Variants in PPP1R16B observed in about 807,000 individuals in gnomAD.
PPP1R16B encodes protein phosphatase 1 regulatory subunit 16B, also known as protein phosphatase 1 regulatory inhibitor subunit 16B.
In PPP1R16B, 14 loss-of-function variants were observed where a neutral mutation model predicts 61.7. The ratio of observed to expected loss-of-function variants is 0.23; its 90% CI spans 0.15 to 0.35. The LOEUF (loss-of-function observed/expected upper bound fraction) is 0.35. Among genes scored for constraint, PPP1R16B ranks in the 10% least tolerant of loss-of-function variants. The pLI is 1.00. For missense variants in PPP1R16B, 547 were observed against 752.5 expected, an observed-to-expected ratio of 0.73 and a Z score of 3.19; for synonymous variants, 266 against 305.3, an observed-to-expected ratio of 0.87 and a Z score of 1.34.
chr20:38,888,690 G>T (rs1278675830), intron 2 of PPP1R16B, among the ~76,000 whole-genome samples: 1 of 152,118 alleles, frequency 6.6e-6, no homozygotes, highest in East Asian at 1.9e-4. Context: ...CAGGGCTGGT[G>T]GGTGAGCTCC....
intron 2 of PPP1R16B, among the ~76,000 whole-genome samples, chr20:38,851,512 C>T (rs1236783654): frequency 6.6e-6 from 1 of 151,778 alleles, no homozygotes; most frequent in African/African-American, 2.4e-5. Context: ...GACGATTTCT[C>T]TCTGAGGGTT....
chr20:38,821,040 C>CA (rs11483114), intron 1 of PPP1R16B, among the ~76,000 whole-genome samples: 89,185 of 121,498 alleles, frequency 0.73, 32,266 homozygotes, highest in African/African-American at 0.86. Flanking sequence ...GACTCCGTCT[C>CA]AAAAAAAAAA....
intron 4 of PPP1R16B, among the ~76,000 whole-genome samples, chr20:38,897,234 G>A (rs6028186): frequency 0.025 from 3,809 of 152,310 alleles, 61 homozygotes; most frequent in Middle Eastern, 0.058. Context: ...GGTGGAGGCA[G>A]GAGAATCGCT....
rs1006181431 is a variant in PPP1R16B at position 38,921,752 on chromosome 20, A to G, written c.*3086A>G. ...TGCAATTTGCTGCCAAATGCATCTC[A>G]GGTTTTTAAAGTCATTGTTTCTTGC... is the stretch of plus-strand genomic sequence containing the variant. On this transcript the variant is annotated 3_prime_UTR_variant, in exon 11 of 11. Coordinates refer to ENST00000299824, the MANE Select transcript of PPP1R16B (RefSeq NM_015568.4). The G allele has an allele frequency of 1.3e-4, 20 of 152,236 alleles. 1 individual carries two copies. Among genetic ancestry groups the G allele is most frequent in the Non-Finnish European group, 5.9e-5 (4 of 68,046 alleles). The allele number at this position is 152,236 out of a possible 1,614,324, so 9.4% of individuals were successfully genotyped here.
intron 1 of PPP1R16B, among the ~76,000 whole-genome samples, chr20:38,835,115 A>G (rs2084861133): frequency 6.6e-6 from 1 of 152,242 alleles, no homozygotes; most frequent in Non-Finnish European, 1.5e-5. Flanking sequence ...GGAATTCCCT[A>G]TGGGGTTCCC....
At chr20:38,862,303 G>A (rs998690875) in intron 2 of PPP1R16B, among the ~76,000 whole-genome samples, 2 of 152,208 alleles carry the variant, frequency 1.3e-5, no homozygotes, top group Non-Finnish European at 2.9e-5. Flanking sequence ...GCTGGGTGCC[G>A]TGAAAATGAT....
At chr20:38,858,421 T>G (rs1281562669) in intron 2 of PPP1R16B, among the ~76,000 whole-genome samples, 2 of 152,022 alleles carry the variant, frequency 1.3e-5, no homozygotes, top group Non-Finnish European at 2.9e-5. Context: ...TGAAGGAAAC[T>G]TTACTGCTGA....
At chr20:38,902,866 C>A in intron 6 of PPP1R16B, 74 bp downstream of exon 6, 6 of 1,597,382 alleles carry the variant, frequency 3.8e-6, no homozygotes, top group Non-Finnish European at 3.4e-6. Flanking sequence ...GGGGACCAAC[C>A]CTGTACCCTT....
chr20:38,898,528 G>A (rs1429143266), intron 4 of PPP1R16B, among the ~76,000 whole-genome samples: 1 of 152,072 alleles, frequency 6.6e-6, no homozygotes, highest in African/African-American at 2.4e-5. Flanking sequence ...AAACATCATT[G>A]GAGATTACAG....
In PPP1R16B at chr20:38,843,756, A is replaced by AT. The variant is rs1261081811; in HGVS notation, c.250+7586dup. On this transcript the variant is annotated intron_variant, in intron 2 of 10. Coordinates refer to ENST00000299824, the MANE Select transcript of PPP1R16B (RefSeq NM_015568.4). ...CATAAATATTTTTATGAAAAATTAT[A>AT]TTTTTCAAAACAAAAAAAAAAGCAA... Among the ~76,000 whole-genome samples the AT allele has an allele frequency of 3.8e-4, 57 of 151,716 alleles. 3 individuals carry two copies.
chr20:38,904,045 C>G (rs948783605), intron 6 of PPP1R16B, among the ~76,000 whole-genome samples: 23 of 152,302 alleles, frequency 1.5e-4, no homozygotes, highest in Non-Finnish European at 2.8e-4. Flanking sequence ...GACCTGGCAG[C>G]CCAGGTGTGA....
chr20:38,829,112 G>C (rs369241666), intron 1 of PPP1R16B, among the ~76,000 whole-genome samples: 4 of 152,182 alleles, frequency 2.6e-5, no homozygotes, highest in African/African-American at 9.7e-5. Context: ...GGGTCAACAA[G>C]AGGAATGGAG....
intron 2 of PPP1R16B, among the ~76,000 whole-genome samples, chr20:38,837,547 T>TC (rs2084880196): frequency 6.6e-6 from 1 of 151,032 alleles, no homozygotes; most frequent in South Asian, 2.1e-4. Context: ...TTTTTTTTTT[T>TC]CTTTTTTTTT....
chr20:38,905,938 G>A (rs572553496), intron 6 of PPP1R16B, 31 bp from the exon 7 acceptor site: 1 of 1,605,786 alleles, frequency 6.2e-7, no homozygotes, highest in Admixed American at 1.7e-5. Flanking sequence ...CTGATCCCCT[G>A]AGGAATGCTC....
At chr20:38,867,260 C>T (rs2085096710) in intron 2 of PPP1R16B, among the ~76,000 whole-genome samples, 1 of 152,202 alleles carries the variant, frequency 6.6e-6, no homozygotes, top group African/African-American at 2.4e-5. Flanking sequence ...CCATTCATGT[C>T]CAAACATCAG....
At chr20:38,853,969 T>G (rs1280319349) in intron 2 of PPP1R16B, among the ~76,000 whole-genome samples, 3 of 152,174 alleles carry the variant, frequency 2.0e-5, no homozygotes, top group Non-Finnish European at 4.4e-5. Flanking sequence ...GTGGCCAAGC[T>G]CAGAGTCAGT....
chr20:38,917,621 A>T (rs1309039904), intron 10 of PPP1R16B, among the ~76,000 whole-genome samples: 1 of 152,176 alleles, frequency 6.6e-6, no homozygotes, highest in African/African-American at 2.4e-5. Flanking sequence ...ACTCAAATGG[A>T]CTTACACACA....
chr20:38,866,600 C>T (rs1390936043), intron 2 of PPP1R16B, among the ~76,000 whole-genome samples: 2 of 152,088 alleles, frequency 1.3e-5, no homozygotes, highest in African/African-American at 4.8e-5. Flanking sequence ...ACATCTTTTT[C>T]CCATGGAGGG....
chr20:38,843,570 C>T (rs1475553618), intron 2 of PPP1R16B, among the ~76,000 whole-genome samples: 1 of 152,206 alleles, frequency 6.6e-6, no homozygotes, highest in Admixed American at 6.5e-5. Context: ...TCCGCAATGC[C>T]TTTATGACCT....
Sources: allele counts gnomAD v4.1 joint callset (sites outside exome capture counted in the v4.1 genomes callset), GRCh38; gene constraint gnomAD v4.1.1; transcripts MANE v1.5; gene names NCBI Gene and HGNC (gene_info 2026-07-23, HGNC 2026-07-21).